BMP6: variants seen among roughly 807,000 people sequenced by gnomAD.
BMP6 encodes the protein bone morphogenetic protein 6, also known as VG-1-R.
In BMP6, 17 loss-of-function variants were observed where a neutral mutation model predicts 54.1. The observed-to-expected ratio is 0.31, with a 90% CI of 0.22 to 0.47. The LOEUF (loss-of-function observed/expected upper bound fraction) is 0.47, where lower values mean the gene tolerates loss of function less well. BMP6 is among the 20% of genes least tolerant of loss of function. The pLI, the probability that BMP6 is intolerant of heterozygous loss-of-function variation, is 1.00. For missense variants in BMP6, 720 were observed against 690.4 expected, an observed-to-expected ratio of 1.04 and a Z score of -0.48; for synonymous variants, 328 against 291.2, an observed-to-expected ratio of 1.13 and a Z score of -1.28.
chr6:7,777,503 C>T (rs976018695), intron 1 of BMP6, among the ~76,000 whole-genome samples: 4 of 151,966 alleles, frequency 2.6e-5, no homozygotes, highest in Admixed American at 1.3e-4. Flanking sequence ...ACTGGAGAAT[C>T]GAAGATACAG....
chr6:7,793,666 T>A (rs1277492821), intron 1 of BMP6, among the ~76,000 whole-genome samples: 1 of 152,218 alleles, frequency 6.6e-6, no homozygotes, highest in Non-Finnish European at 1.5e-5. Context: ...GTGCTCAGCA[T>A]AGCTGTAAAC....
In BMP6 at chr6:7,862,437, A is replaced by G. The variant is rs1759350374; in HGVS notation, c.1143A>G (p.Arg381=). 4 of 1,614,188 alleles carry G rather than the reference A, an allele frequency of 2.5e-6. No homozygotes were observed. The change falls in exon 4 of 7, where the codon CGA becomes CGG. Residue 381 remains arginine (R), a synonymous_variant. Transcript: ENST00000283147. ...CCAGGTCAGCCTCCAGCCGGCGCCGACAACAGAGTCGTAATCGCTCTACCC... is the reference window on the plus strand; with the variant it reads ...CCAGGTCAGCCTCCAGCCGGCGCCGGCAACAGAGTCGTAATCGCTCTACCC... ...RTTRSASSRR[R]QQSRNRSTQS... is the part of the protein sequence containing the mutation.
At chr6:7,835,270 C>T (rs1183528374) in intron 1 of BMP6, among the ~76,000 whole-genome samples, 2 of 152,176 alleles carry the variant, frequency 1.3e-5, no homozygotes, top group East Asian at 1.9e-4. Context: ...CTACAGACAC[C>T]CGCCACCAGG....
chr6:7,800,079 G>GGTGTGTGTGTGTGT (rs72469855), intron 1 of BMP6, among the ~76,000 whole-genome samples: 1 of 145,066 alleles, frequency 6.9e-6, no homozygotes, highest in East Asian at 2.0e-4. Context: ...TAAAGGAAGG[G>GGTGTGTGTGTGTGT]GTGTGTGTGT....
intron 1 of BMP6, among the ~76,000 whole-genome samples, chr6:7,730,110 G>A (rs923912401): frequency 6.6e-6 from 1 of 152,188 alleles, no homozygotes; most frequent in African/African-American, 2.4e-5. Flanking sequence ...AATTTGTAAA[G>A]TATAGTCATA....
chr6:7,853,945 C>A (rs1468661233), intron 2 of BMP6, among the ~76,000 whole-genome samples: 1 of 151,440 alleles, frequency 6.6e-6, no homozygotes, highest in Non-Finnish European at 1.5e-5. Flanking sequence ...ATCAGACCTT[C>A]TTGTTCCTCA....
intron 1 of BMP6, among the ~76,000 whole-genome samples, chr6:7,777,398 C>A (rs1036125284): frequency 6.6e-6 from 1 of 152,172 alleles, no homozygotes; most frequent in African/African-American, 2.4e-5. Context: ...CAAAATGTTA[C>A]AAGTAATACA....
At position 7,881,481 on chromosome 6, in the gene BMP6, ATC is replaced by A. The variant is rs1404087847; in HGVS notation, c.*1140_*1141del. On this transcript the variant is annotated 3_prime_UTR_variant, in exon 7 of 7. Coordinates refer to ENST00000283147, the MANE Select transcript of BMP6 (RefSeq NM_001718.6). ...AACTATAATTTATTGTCTATTTTATATCTGTTTTGCTGTAACATTGAAGGAAA... is the reference window on the plus strand; with the variant it reads ...AACTATAATTTATTGTCTATTTTATATGTTTTGCTGTAACATTGAAGGAAA... The A allele has an allele frequency of 2.0e-5, 3 of 152,730 alleles. No homozygotes were observed. Among genetic ancestry groups the A allele is most frequent in the South Asian group, 2.1e-4 (1 of 4,828 alleles). The allele number at this position is 152,730 out of a possible 1,614,324, so 9.5% of individuals were successfully genotyped here.
At chr6:7,863,812 A>C (rs1018765708) in intron 4 of BMP6, among the ~76,000 whole-genome samples, 1 of 152,008 alleles carries the variant, frequency 6.6e-6, no homozygotes, top group African/African-American at 2.4e-5. Flanking sequence ...TGAGGTTGGG[A>C]GTTCGAGACC....
At chr6:7,796,122 T>G (rs1467471867) in intron 1 of BMP6, among the ~76,000 whole-genome samples, 1 of 152,128 alleles carries the variant, frequency 6.6e-6, no homozygotes, top group Non-Finnish European at 1.5e-5. Flanking sequence ...AATGAAATAG[T>G]TCTTGAGATA....
At chr6:7,867,862 G>A (rs187285993) in intron 4 of BMP6, among the ~76,000 whole-genome samples, 19 of 152,318 alleles carry the variant, frequency 1.2e-4, no homozygotes, top group Admixed American at 1.0e-3. Flanking sequence ...ATCAAAGAGT[G>A]GAACAGACTG....
intron 1 of BMP6, among the ~76,000 whole-genome samples, chr6:7,757,654 C>G (rs1757545075): frequency 6.6e-6 from 1 of 152,192 alleles, no homozygotes; most frequent in Non-Finnish European, 1.5e-5. Context: ...GCTTTGATCC[C>G]TTGATAAGGA....
intron 1 of BMP6, among the ~76,000 whole-genome samples, chr6:7,745,837 G>A (rs1331475553): frequency 6.6e-6 from 1 of 152,010 alleles, no homozygotes; most frequent in East Asian, 1.9e-4. Flanking sequence ...GTGTGGTGGT[G>A]CCTGCCTGTA....
intron 1 of BMP6, among the ~76,000 whole-genome samples, chr6:7,837,325 CTT>C (rs142518155): frequency 3.5e-4 from 53 of 151,986 alleles, no homozygotes; most frequent in Non-Finnish European, 6.8e-4. Flanking sequence ...ATTAAAATAT[CTT>C]TATTAGCATC....
intron 1 of BMP6, among the ~76,000 whole-genome samples, chr6:7,753,026 G>A (rs1466271720): frequency 6.6e-6 from 1 of 151,978 alleles, no homozygotes. Context: ...CTCATTTTAA[G>A]ATTTTACATT....
intron 1 of BMP6, among the ~76,000 whole-genome samples, chr6:7,783,286 A>G (rs1319490958): frequency 6.6e-6 from 1 of 152,160 alleles, no homozygotes; most frequent in Non-Finnish European, 1.5e-5. Context: ...GTAAAGTGGA[A>G]CTATCTTCTC....
chr6:7,773,040 A>T (rs2113157754), intron 1 of BMP6, among the ~76,000 whole-genome samples: 1 of 152,308 alleles, frequency 6.6e-6, no homozygotes, highest in Non-Finnish European at 1.5e-5. Context: ...GGACTCTTCC[A>T]AGGCCCTCCA....
chr6:7,804,217 GA>G (rs1166042523), intron 1 of BMP6, among the ~76,000 whole-genome samples: 1 of 152,134 alleles, frequency 6.6e-6, no homozygotes, highest in African/African-American at 2.4e-5. Context: ...ATCTCTCAAG[GA>G]TTATCCCACA....
chr6:7,819,725 T>C (rs867051715), intron 1 of BMP6, among the ~76,000 whole-genome samples: 2 of 152,216 alleles, frequency 1.3e-5, no homozygotes, highest in African/African-American at 2.4e-5. Flanking sequence ...GGCATGTAAG[T>C]GAAGATGGTC....
Sources: gnomAD v4.1 joint callset for allele counts (sites outside exome capture counted in the v4.1 genomes callset) on GRCh38, gnomAD v4.1.1 for gene constraint, MANE v1.5 for transcripts, NCBI Gene and HGNC (gene_info 2026-07-23, HGNC 2026-07-21) for gene names.